The following PITPNC1 variants were observed in gnomAD, a reference collection of about 807,000 sequenced individuals.
The protein encoded by PITPNC1 is cytoplasmic phosphatidylinositol transfer protein 1.
In PITPNC1, 18 loss-of-function variants were observed where a neutral mutation model predicts 44.7. The ratio of observed to expected loss-of-function variants is 0.40; its 90% CI spans 0.28 to 0.60. The LOEUF (loss-of-function observed/expected upper bound fraction) is 0.60. PITPNC1 is among the 20% of genes least tolerant of loss of function. The pLI is 0.39. For missense variants in PITPNC1, 290 were observed against 418.4 expected (o/e 0.69, Z 2.68); for synonymous variants, 141 against 149.6 (o/e 0.94, Z 0.42).
rs370495484 is a variant in PITPNC1 at position 67,632,280 on chromosome 17, C to T, written c.462+42C>T. On this transcript the variant is annotated intron_variant, in intron 6 of 8. Coordinates refer to ENST00000581322, the MANE Select transcript of PITPNC1 (RefSeq NM_012417.4). ...ATGAGATGTGGAAGATTCATTCATT[C>T]ATTCATTCCACAACTATTTCTTAAG... 10 of 1,224,494 alleles carry T rather than the reference C, an allele frequency of 8.2e-6. No homozygotes were observed. The East Asian group carries it at 1.2e-4, about 14-fold the overall frequency. 75.9% of individuals were successfully genotyped at this position (1,224,494 alleles called of 1,614,324 possible).
chr17:67,563,925 A>G (rs2040938689), intron 4 of PITPNC1, among the ~76,000 whole-genome samples: 1 of 152,176 alleles, frequency 6.6e-6, no homozygotes, highest in African/African-American at 2.4e-5. Context: ...TAGATTAGAT[A>G]TGTAGATTAG....
chr17:67,378,910 C>G lies in PITPNC1; in HGVS notation c.48+708C>G, dbSNP rs551078557. 168 of 918,994 alleles carry G rather than the reference C, an allele frequency of 1.8e-4. 3 individuals are homozygous for G. In the South Asian group the frequency reaches 7.8e-3, roughly 42 times the overall value. 56.9% of individuals were successfully genotyped at this position (918,994 alleles called of 1,614,324 possible). ...GCGGCCACAGGAGGGCGCTCCAGCACGTGGTGCCGGGGCCGCGGCTGCCGG... is the reference window on the plus strand; with the variant it reads ...GCGGCCACAGGAGGGCGCTCCAGCAGGTGGTGCCGGGGCCGCGGCTGCCGG... On this transcript the variant is annotated intron_variant, in intron 1 of 8. Coordinates refer to ENST00000581322, the MANE Select transcript of PITPNC1 (RefSeq NM_012417.4).
intron 1 of PITPNC1, among the ~76,000 whole-genome samples, chr17:67,501,124 AG>A (rs757358409): frequency 1.4e-3 from 216 of 152,348 alleles, no homozygotes; most frequent in Non-Finnish European, 1.9e-3. Context: ...CTGCAGGTCT[AG>A]GTGCTAATGT....
chr17:67,574,167 A>G (rs2041102824), intron 4 of PITPNC1, among the ~76,000 whole-genome samples: 1 of 152,140 alleles, frequency 6.6e-6, no homozygotes. Flanking sequence ...AGAGCGGAAA[A>G]GGATTGTCCC....
intron 1 of PITPNC1, among the ~76,000 whole-genome samples, chr17:67,435,466 G>A (rs2038924765): frequency 6.6e-6 from 1 of 152,206 alleles, no homozygotes; most frequent in Admixed American, 6.5e-5. Context: ...TGGGATGCAG[G>A]GACATAGCCA....
chr17:67,614,850 T>C (rs2041737214), intron 5 of PITPNC1, among the ~76,000 whole-genome samples: 1 of 143,200 alleles, frequency 7.0e-6, no homozygotes, highest in South Asian at 2.2e-4. Flanking sequence ...CCGTCTCTAC[T>C]AAAAAAAAAA....
chr17:67,432,348 C>T (rs1473175337), intron 1 of PITPNC1, among the ~76,000 whole-genome samples: 4 of 151,888 alleles, frequency 2.6e-5, no homozygotes, highest in Admixed American at 6.6e-5. Flanking sequence ...ATTAGCCGGG[C>T]GTGGTGGTGG....
intron 1 of PITPNC1, among the ~76,000 whole-genome samples, chr17:67,516,235 C>T (rs181489518): frequency 6.6e-6 from 1 of 152,300 alleles, no homozygotes; most frequent in East Asian, 1.9e-4. Flanking sequence ...TTTCATCCAC[C>T]TAGCCTTTTT....
chr17:67,649,135 C>G (rs1047446249), intron 6 of PITPNC1, among the ~76,000 whole-genome samples: 2 of 152,184 alleles, frequency 1.3e-5, no homozygotes, highest in Non-Finnish European at 2.9e-5. Context: ...GCCTGGGTGA[C>G]AGAGTGAGAC....
chr17:67,667,079 G>A (rs1160707844), intron 6 of PITPNC1, among the ~76,000 whole-genome samples: 1 of 152,224 alleles, frequency 6.6e-6, no homozygotes, highest in Non-Finnish European at 1.5e-5. Flanking sequence ...CCTGGGAGGG[G>A]AGATGCCAAT....
At chr17:67,389,226 GCA>G (rs1432024440) in intron 1 of PITPNC1, among the ~76,000 whole-genome samples, 1 of 152,250 alleles carries the variant, frequency 6.6e-6, no homozygotes, top group Non-Finnish European at 1.5e-5. Context: ...GTTTGCTCTT[GCA>G]AGGCTAGCAG....
intron 1 of PITPNC1, among the ~76,000 whole-genome samples, chr17:67,413,484 A>G (rs956902993): frequency 1.4e-5 from 2 of 139,700 alleles, no homozygotes; most frequent in African/African-American, 5.6e-5. Flanking sequence ...GCTTCTCGCT[A>G]TGCTCAGCCT....
chr17:67,643,360 T>G (rs968865358), intron 6 of PITPNC1, among the ~76,000 whole-genome samples: 4 of 152,144 alleles, frequency 2.6e-5, no homozygotes, highest in African/African-American at 7.2e-5. Flanking sequence ...CACTCCAGCC[T>G]GGACAACAGA....
intron 1 of PITPNC1, among the ~76,000 whole-genome samples, chr17:67,507,105 G>A (rs773330051): frequency 3.3e-5 from 5 of 152,212 alleles, no homozygotes; most frequent in Non-Finnish European, 7.3e-5. Flanking sequence ...GAGTCACTGT[G>A]ACCTCTTAGA....
intron 1 of PITPNC1, among the ~76,000 whole-genome samples, chr17:67,506,387 C>T (rs943278746): frequency 8.5e-5 from 13 of 152,148 alleles, no homozygotes; most frequent in Non-Finnish European, 1.9e-4. Flanking sequence ...TTTCAAATCA[C>T]TGCCCTAATC....
chr17:67,384,548 C>A (rs1246167851), intron 1 of PITPNC1, among the ~76,000 whole-genome samples: 1 of 152,074 alleles, frequency 6.6e-6, no homozygotes, highest in Non-Finnish European at 1.5e-5. Flanking sequence ...GCCTCAGCTT[C>A]CCGAGTATCT....
At chr17:67,431,898 C>G (rs1407471760) in intron 1 of PITPNC1, among the ~76,000 whole-genome samples, 2 of 152,142 alleles carry the variant, frequency 1.3e-5, no homozygotes, top group African/African-American at 2.4e-5. Flanking sequence ...CAACATTTAT[C>G]TTTAGTCTCT....
chr17:67,522,657 A>ATTTTTTTTTTTTTTTT (rs1219049449), intron 1 of PITPNC1, among the ~76,000 whole-genome samples: 14 of 59,954 alleles, frequency 2.3e-4, no homozygotes, highest in African/African-American at 1.1e-3. Context: ...TACCATTTTA[A>ATTTTTTTTTTTTTTTT]TCTTTTTTTT....
At chr17:67,665,683 C>T (rs1026180765) in intron 6 of PITPNC1, among the ~76,000 whole-genome samples, 2 of 152,100 alleles carry the variant, frequency 1.3e-5, no homozygotes, top group African/African-American at 2.4e-5. Flanking sequence ...GTGTGTGATA[C>T]GTCGAATAGG....
Sources: allele counts gnomAD v4.1 joint callset (sites outside exome capture counted in the v4.1 genomes callset), GRCh38; gene constraint gnomAD v4.1.1; transcripts MANE v1.5; gene names NCBI Gene and HGNC (gene_info 2026-07-23, HGNC 2026-07-21).